LIMS2: variants seen among roughly 807,000 people sequenced by gnomAD.
LIMS2 encodes the protein LIM zinc finger domain containing 2.
A neutral mutation model predicts 45.3 loss-of-function variants in LIMS2; 30 were observed. The observed-to-expected ratio is 0.66, with a 90% CI of 0.50 to 0.90. The LOEUF is 0.90. LIMS2 is among the 40% of genes least tolerant of loss of function. The probability of loss-of-function intolerance (pLI) is 0.00; values close to 1 mark genes in which losing one functional copy is unlikely to be tolerated. For synonymous variants in LIMS2, 173 were observed against 188.0 expected (o/e 0.92, Z 0.65); for missense variants, 485 against 468.7 (o/e 1.03, Z -0.32).
intron 1 of LIMS2, among the ~76,000 whole-genome samples, chr2:127,660,082 G>T (rs1039324513): frequency 1.3e-5 from 2 of 152,236 alleles, no homozygotes; most frequent in African/African-American, 4.8e-5. Flanking sequence ...TCTGGTTGGG[G>T]TGGGGACTTG....
chr2:127,662,652 G>T (rs1335257954), intron 1 of LIMS2, among the ~76,000 whole-genome samples: 1 of 119,394 alleles, frequency 8.4e-6, no homozygotes, highest in Non-Finnish European at 1.8e-5. Context: ...GGGGGGTGGG[G>T]GGTGGGGGGA....
rs1683110966 is a variant in LIMS2 at position 127,647,431 on chromosome 2, C to T, written c.360-4359G>A. Among the ~76,000 whole-genome samples, 1 of 152,192 alleles carries T rather than the reference C, an allele frequency of 6.6e-6. No homozygotes were observed. Among genetic ancestry groups the T allele is most frequent in the African/African-American group, 2.4e-5 (1 of 41,442 alleles). On this transcript the variant is annotated intron_variant, in intron 4 of 9. Coordinates refer to ENST00000355119, the MANE Select transcript of LIMS2 (RefSeq NM_001161403.3). This position sits in a 1 kb window ranked among gnomAD's most constrained non-coding sequence, Gnocchi z 4.3. Reference sequence around the variant, plus strand: ...CAGACACTCAGCCTTGACTCCCTAACCTGCAACATGGGGCTAAAACTGGTT... The same window carrying T: ...CAGACACTCAGCCTTGACTCCCTAATCTGCAACATGGGGCTAAAACTGGTT...
chr2:127,677,936 C>T, upstream of LIMS2, among the ~76,000 whole-genome samples: 1 of 152,054 alleles, frequency 6.6e-6, no homozygotes, highest in East Asian at 1.9e-4. This position sits in a 1 kb window ranked among gnomAD's most constrained non-coding sequence, Gnocchi z 5.0. Flanking sequence ...GGGTAACAGG[C>T]AATGTTTTAG....
intron 4 of LIMS2, chr2:127,649,875 G>C (rs970014919): frequency 1.8e-5 from 13 of 716,626 alleles, no homozygotes; most frequent in African/African-American, 5.3e-5. Flanking sequence ...CTCTGACGCT[G>C]GGTAAAATGG....
Position 127,672,902 on chromosome 2 carries a change from G to C in LIMS2, c.11+2112C>G, listed in dbSNP as rs1182224744. On this transcript the variant is annotated intron_variant, in intron 1 of 9. Coordinates refer to ENST00000355119, the MANE Select transcript of LIMS2 (RefSeq NM_001161403.3). The surrounding 1 kb of genome is among the most constrained non-coding windows in gnomAD (Gnocchi z 4.9). ...CAGCCTGGCTCTGGGCAGCATGGGG[G>C]ATCCCGAGAGAACCAGGATCCAGGC... 6.6e-6 allele frequency among the ~76,000 whole-genome samples: 1 copy of C among 152,228 alleles called. No homozygotes were observed. Among genetic ancestry groups the C allele is most frequent in the Admixed American group, 6.5e-5 (1 of 15,278 alleles).
chr2:127,639,994 A>AGGAG, intron 9 of LIMS2, 76 bp downstream of exon 9: 1 of 1,446,900 alleles, frequency 6.9e-7, no homozygotes. Context: ...GCTGGTGTGC[A>AGGAG]GGAGGGCTGC....
At chr2:127,668,956 G>A (rs1168991257) in intron 1 of LIMS2, among the ~76,000 whole-genome samples, 1 of 152,064 alleles carries the variant, frequency 6.6e-6, no homozygotes, top group Non-Finnish European at 1.5e-5. Context: ...GCCAGGTGTG[G>A]TGGTGTGTAC....
chr2:127,657,599 G>A, intron 1 of LIMS2, 37 bp from the exon 2 acceptor site: 1 of 1,560,766 alleles, frequency 6.4e-7, no homozygotes, highest in Admixed American at 1.8e-5. Flanking sequence ...GTCAGAGCTG[G>A]TCAGGGGTGC....
chr2:127,640,903 T>C lies in LIMS2; in HGVS notation c.746A>G (p.Tyr249Cys). 1 of 1,613,484 alleles carries C rather than the reference T, an allele frequency of 6.2e-7. No homozygotes were observed. Among genetic ancestry groups the C allele is most frequent in the Admixed American group, 1.7e-5 (1 of 60,014 alleles). The change falls in exon 7 of 10, where the codon TAC (tyrosine) becomes TGC (cysteine). Residue 249 changes from tyrosine (Y) to cysteine (C), a missense_variant. Coordinates refer to ENST00000355119, the MANE Select transcript of LIMS2 (RefSeq NM_001161403.3). ...GTTCTGCACCGGGCTCACCTGGTTGTAGTGAGTCTCGCAGTAGGCCAGGCC... is the reference window on the plus strand; with the variant it reads ...GTTCTGCACCGGGCTCACCTGGTTGCAGTGAGTCTCGCAGTAGGCCAGGCC... ...KKGLAYCETH[Y>C]NQLFGDVCYN...
rs2244612 is a variant in LIMS2, at chr2:127,643,208, G to A, written c.360-136C>T. 446,984 of 912,590 alleles carry A rather than the reference G, an allele frequency of 0.49. 110,931 individuals are homozygous for A. The highest frequency in any genetic ancestry group is 0.55 in the African/African-American group (33,107 of 59,934). 56.5% of individuals were successfully genotyped at this position (912,590 alleles called of 1,614,324 possible). A position where few individuals can be genotyped will look rare whatever the true frequency, so the allele number is the denominator to read the frequency against. ...CAAAGGGGCTCAGCCCAGGGTATGG[G>A]AAAGCAGACTGCCCTGTCACAAGGC... is the stretch of plus-strand genomic sequence containing the variant. On this transcript the variant is annotated intron_variant, in intron 4 of 9. Transcript: ENST00000355119.
At chr2:127,643,326 T>C in intron 4 of LIMS2, 1 of 555,556 alleles carries the variant, frequency 1.8e-6, no homozygotes, top group Non-Finnish European at 3.3e-6. Flanking sequence ...GATGGTATTT[T>C]CCTCTTTCTA....
At chr2:127,662,774 C>T (rs901642439) in intron 1 of LIMS2, among the ~76,000 whole-genome samples, 4 of 151,814 alleles carry the variant, frequency 2.6e-5, no homozygotes, top group African/African-American at 7.3e-5. Context: ...GCACATGTAC[C>T]CTAAAACTTA....
rs1016932598 is a variant in LIMS2 at position 127,653,558 on chromosome 2, C to A, written c.359+866G>T. ...GGGCCGGGCACGGAGCCCCAGACGA[C>A]TCCCCATGGAGAGACAGGGAGAAAG... On this transcript the variant is annotated intron_variant, in intron 4 of 9. Transcript: ENST00000355119. The surrounding 1 kb of genome is among the most constrained non-coding windows in gnomAD (Gnocchi z 5.3). 3.3e-5 allele frequency among the ~76,000 whole-genome samples: 5 copies of A among 152,162 alleles called. No homozygotes were observed. The highest frequency in any genetic ancestry group is 7.4e-5 in the Non-Finnish European group (5 of 68,024).
chr2:127,674,691 C>T (rs771861825), intron 1 of LIMS2: 3 of 985,448 alleles, frequency 3.0e-6, no homozygotes, highest in East Asian at 1.1e-4. Flanking sequence ...ACCTTTTGCC[C>T]GTGGTTGGTG....
At chr2:127,649,925 G>C (rs985187296) in intron 4 of LIMS2, 3 of 1,126,164 alleles carry the variant, frequency 2.7e-6, no homozygotes, top group South Asian at 2.7e-5. Flanking sequence ...CCTGGTGGTG[G>C]ATCTACTCTG....
At chr2:127,668,195 A>G (rs527547963) in intron 1 of LIMS2, among the ~76,000 whole-genome samples, 34 of 152,332 alleles carry the variant, frequency 2.2e-4, no homozygotes, top group Middle Eastern at 6.8e-3. Flanking sequence ...AAGATATCCC[A>G]TGTTCATGGA....
intron 1 of LIMS2, among the ~76,000 whole-genome samples, chr2:127,662,629 T>TGG (rs1684743209): frequency 2.4e-5 from 1 of 42,500 alleles, no homozygotes; most frequent in Non-Finnish European, 4.5e-5. Context: ...GAGGCTCTTG[T>TGG]GGGGTGGGGG....
intron 9 of LIMS2, among the ~76,000 whole-genome samples, chr2:127,639,753 TGAC>T (rs1682215733): frequency 2.6e-5 from 4 of 152,204 alleles, no homozygotes; most frequent in Non-Finnish European, 4.4e-5. Context: ...GATGAGCAGC[TGAC>T]ACTGCTGCTT....
Position 127,641,005 on chromosome 2 carries a change from C to T in LIMS2, c.661-17G>A, listed in dbSNP as rs749927552. 32 of 1,610,310 alleles carry T rather than the reference C, an allele frequency of 2.0e-5. No homozygotes were observed. Among genetic ancestry groups the T allele is most frequent in the Non-Finnish European group, 2.5e-5 (30 of 1,177,346 alleles). On this transcript the variant is annotated splice_polypyrimidine_tract_variant and intron_variant, in intron 6 of 9. Coordinates refer to ENST00000355119, the MANE Select transcript of LIMS2 (RefSeq NM_001161403.3). ...GACAAAGTGCTGCAAGGACAAAGGGCGGGCCGGGTGGCATCAGGGCTAGAG... is the reference window on the plus strand; with the variant it reads ...GACAAAGTGCTGCAAGGACAAAGGGTGGGCCGGGTGGCATCAGGGCTAGAG...
Sources: gnomAD v4.1 joint callset for allele counts (sites outside exome capture counted in the v4.1 genomes callset) on GRCh38, gnomAD v4.1.1 for gene constraint, Gnocchi (gnomAD v3.1) non-coding constraint, MANE v1.5 for transcripts, NCBI Gene and HGNC (gene_info 2026-07-23, HGNC 2026-07-21) for gene names.